TUSC3: variants seen among roughly 807,000 people sequenced by gnomAD.
TUSC3 encodes the protein tumor suppressor candidate 3.
In TUSC3, 45 loss-of-function variants were observed where a neutral mutation model predicts 44.8. The observed-to-expected ratio is 1.00, with a 90% CI of 0.79 to 1.29. The LOEUF is 1.29. Ranked by LOEUF, TUSC3 falls within the 50% of genes most tolerant of loss-of-function variation. TUSC3 has a pLI of 0.00. For missense variants in TUSC3, 519 were observed against 437.9 expected, an observed-to-expected ratio of 1.19 and a Z score of -1.65; for synonymous variants, 212 against 152.9, an observed-to-expected ratio of 1.39 and a Z score of -2.85.
chr8:15,674,481 C>T (rs541372811), intron 6 of TUSC3, among the ~76,000 whole-genome samples: 4 of 152,006 alleles, frequency 2.6e-5, no homozygotes, highest in Admixed American at 2.0e-4. Context: ...TTTTCTCTAA[C>T]CTTTTCTGCT....
intron 2 of TUSC3, among the ~76,000 whole-genome samples, chr8:15,639,707 A>T (rs1431588051): frequency 6.6e-6 from 1 of 150,558 alleles, no homozygotes; most frequent in Non-Finnish European, 1.5e-5. Context: ...CATTTAACAT[A>T]TTAAATGAGA....
intron 6 of TUSC3, among the ~76,000 whole-genome samples, chr8:15,692,370 C>CCCCT (rs1808945290): frequency 7.6e-5 from 3 of 39,240 alleles, no homozygotes; most frequent in Non-Finnish European, 1.5e-4. Context: ...CCCCCCCCCC[C>CCCCT]CTTTGTTTTT....
intron 1 of TUSC3, among the ~76,000 whole-genome samples, chr8:15,598,922 T>G (rs865944069): frequency 6.6e-6 from 1 of 151,864 alleles, no homozygotes; most frequent in African/African-American, 2.4e-5. Flanking sequence ...GGTTTTTGTG[T>G]GGACCTAAGT....
intron 1 of TUSC3, among the ~76,000 whole-genome samples, chr8:15,423,169 C>G (rs1799759701): frequency 6.6e-6 from 1 of 152,044 alleles, no homozygotes; most frequent in Non-Finnish European, 1.5e-5. Context: ...AGAATCTGTT[C>G]ATTTGCACAT....
chr8:15,642,127 A>G (rs1330659074), intron 2 of TUSC3, among the ~76,000 whole-genome samples: 3 of 152,206 alleles, frequency 2.0e-5, no homozygotes, highest in African/African-American at 4.8e-5. Flanking sequence ...CTGCCAGTTC[A>G]TTAACAAAAT....
At chr8:15,442,013 G>A (rs1489393088) in intron 1 of TUSC3, among the ~76,000 whole-genome samples, 1 of 152,038 alleles carries the variant, frequency 6.6e-6, no homozygotes, top group Non-Finnish European at 1.5e-5. Context: ...TTATCATATA[G>A]GGACTCTTAA....
At chr8:15,431,725 C>A (rs1165316628) in intron 1 of TUSC3, among the ~76,000 whole-genome samples, 2 of 151,500 alleles carry the variant, frequency 1.3e-5, no homozygotes, top group African/African-American at 2.4e-5. Context: ...TAAGACTGGG[C>A]AACTTTGTCT....
intron 5 of TUSC3, among the ~76,000 whole-genome samples, chr8:15,663,403 G>T (rs1278680942): frequency 6.6e-6 from 1 of 151,546 alleles, no homozygotes; most frequent in Non-Finnish European, 1.5e-5. Context: ...TGTTTCTTTT[G>T]CTTTCTTGCA....
chr8:15,761,637 G>A (rs976000904), intron 10 of TUSC3, among the ~76,000 whole-genome samples: 3 of 152,160 alleles, frequency 2.0e-5, no homozygotes, highest in Admixed American at 6.6e-5. Context: ...ACTACAGTGC[G>A]ATTCGTTCAT....
intron 1 of TUSC3, among the ~76,000 whole-genome samples, chr8:15,432,920 C>T (rs1799888439): frequency 6.6e-6 from 1 of 152,158 alleles, no homozygotes. Context: ...AATCGTTCTC[C>T]TAAGGGCAGA....
chr8:15,738,309 T>G (rs891168449), intron 7 of TUSC3, among the ~76,000 whole-genome samples: 6 of 152,222 alleles, frequency 3.9e-5, no homozygotes, highest in Non-Finnish European at 7.3e-5. Flanking sequence ...TCTTGCATTT[T>G]AAAAAATTGT....
the TUSC3 span, among the ~76,000 whole-genome samples, chr8:15,823,017 A>G: frequency 9.2e-5 from 14 of 152,120 alleles, no homozygotes; most frequent in Non-Finnish European, 1.8e-4. Flanking sequence ...TCCCCATCAA[A>G]GATTTTTTTC....
At chr8:15,821,788 T>C in the TUSC3 span, among the ~76,000 whole-genome samples, 1 of 148,332 alleles carries the variant, frequency 6.7e-6, no homozygotes, top group African/African-American at 2.5e-5. Context: ...CTTGTTTGTT[T>C]GTGTTTTGTT....
chr8:15,827,722 C>T, the TUSC3 span, among the ~76,000 whole-genome samples: 1 of 152,070 alleles, frequency 6.6e-6, no homozygotes, highest in Non-Finnish European at 1.5e-5. Context: ...GTAAACTGAA[C>T]CATTTGCCCC....
At chr8:15,821,274 G>C in the TUSC3 span, among the ~76,000 whole-genome samples, 1 of 150,032 alleles carries the variant, frequency 6.7e-6, no homozygotes, top group Non-Finnish European at 1.5e-5. Context: ...TTGTTTCCCT[G>C]TTTGTAATAT....
At chr8:15,715,618 A>G (rs956920807) in intron 6 of TUSC3, among the ~76,000 whole-genome samples, 17 of 152,112 alleles carry the variant, frequency 1.1e-4, no homozygotes, top group Admixed American at 6.6e-5. Context: ...TTTGGACTGT[A>G]GTTGACAGCA....
At chr8:15,561,612 G>A (rs1023142417) in intron 1 of TUSC3, 50 of 155,360 alleles carry the variant, frequency 3.2e-4, no homozygotes, top group Admixed American at 6.6e-4. Context: ...CCTCACTGCC[G>A]CCTTGCAGTT....
At chr8:15,435,024 G>T (rs1319505956) in intron 1 of TUSC3, among the ~76,000 whole-genome samples, 3 of 147,994 alleles carry the variant, frequency 2.0e-5, no homozygotes, top group Admixed American at 6.7e-5. Context: ...ATAGCAGCAT[G>T]ATTTATAATC....
At chr8:15,822,275 G>C in the TUSC3 span, among the ~76,000 whole-genome samples, 39 of 152,226 alleles carry the variant, frequency 2.6e-4, no homozygotes, top group African/African-American at 8.4e-4. Context: ...CAAATTAGCA[G>C]AAGATATAAA....
Sources: gnomAD v4.1 joint callset for allele counts (sites outside exome capture counted in the v4.1 genomes callset) on GRCh38, gnomAD v4.1.1 for gene constraint, MANE v1.5 for transcripts, NCBI Gene and HGNC (gene_info 2026-07-23, HGNC 2026-07-21) for gene names.